APOBEC3D: variants seen among roughly 807,000 people sequenced by gnomAD.
APOBEC3D encodes DNA dC->dU-editing enzyme APOBEC-3D.
Under a neutral mutation model 45.6 loss-of-function variants are expected in APOBEC3D, and 37 were observed. The observed-to-expected ratio is 0.81, with a 90% confidence interval of 0.62 to 1.07. APOBEC3D has a LOEUF of 1.07. Ranked by LOEUF, APOBEC3D falls within the 50% of genes least tolerant of loss-of-function variation. The probability of loss-of-function intolerance (pLI) is 0.00; values close to 1 mark genes in which losing one functional copy is unlikely to be tolerated. For synonymous variants in APOBEC3D, 175 were observed against 180.7 expected, an observed-to-expected ratio of 0.97 and a Z score of 0.25; for missense variants, 496 against 495.3, an observed-to-expected ratio of 1.00 and a Z score of -0.01.
intron 1 of APOBEC3D, among the ~76,000 whole-genome samples, chr22:39,022,326 GGAAT>G (rs1925199528): frequency 6.6e-6 from 1 of 152,152 alleles, no homozygotes; most frequent in Non-Finnish European, 1.5e-5. Flanking sequence ...CTGTAAGATG[GGAAT>G]GGTCCCTGCA....
chr22:39,023,207 T>C (rs1925299545), intron 2 of APOBEC3D, among the ~76,000 whole-genome samples, 193 bp downstream of exon 2: 1 of 151,890 alleles, frequency 6.6e-6, no homozygotes. Flanking sequence ...CCTCCACCTC[T>C]TGGGTTCAAG....
intron 5 of APOBEC3D, 77 bp from the exon 6 acceptor site, chr22:39,031,617 T>C (rs1926220145): frequency 6.4e-7 from 1 of 1,572,240 alleles, no homozygotes; most frequent in Non-Finnish European, 8.7e-7. Flanking sequence ...CCTGCCCTCT[T>C]CTCCCATCGC....
chr22:39,029,197 C>T lies in APOBEC3D; in HGVS notation c.606-166C>T, dbSNP rs866465496. On this transcript the variant is annotated intron_variant, in intron 4 of 6. Transcript: ENST00000216099. Reference sequence around the variant, plus strand: ...TCCCTGCTGCCCCTGCCAGTACCCCCTCCTCTTTCTCTCTCCCAGTCTTCC... The same window carrying T: ...TCCCTGCTGCCCCTGCCAGTACCCCTTCCTCTTTCTCTCTCCCAGTCTTCC... Among the ~76,000 whole-genome samples, 3 of 152,134 alleles carry T rather than the reference C, an allele frequency of 2.0e-5. No homozygotes were observed. The South Asian group carries it at 6.2e-4, about 32-fold the overall frequency.
rs767749495 is a variant in APOBEC3D, at chr22:39,031,777, C to A, written c.846C>A (p.Tyr282Ter). 1.9e-6 allele frequency: 3 copies of A among 1,613,850 alleles called. No homozygotes were observed. Among genetic ancestry groups the A allele is most frequent in the African/African-American group, 2.7e-5 (2 of 74,894 alleles). ...ACATACTGTCTCCTAACACAAACTA[C>A]GAGGTCACCTGGTACACATCTTGGA... ...CDDILSPNTNYEVTWYTSWSP... is the reference protein window; with the variant it reads ...CDDILSPNTN Residue 282 changes from tyrosine to a stop codon, truncating the protein, a stop_gained, in exon 6 of 7, where the codon TAC becomes TAA. Coordinates refer to ENST00000216099, the MANE Select transcript of APOBEC3D (RefSeq NM_152426.4). LOFTEE classifies it high-confidence loss of function.
At chr22:39,030,445 G>A (rs539519604) in intron 5 of APOBEC3D, among the ~76,000 whole-genome samples, 1 of 152,334 alleles carries the variant, frequency 6.6e-6, no homozygotes, top group East Asian at 1.9e-4. Context: ...GTCCCCACAC[G>A]CTAAAAAGGC....
At chr22:39,024,778 G>T (rs867284533) in intron 2 of APOBEC3D, among the ~76,000 whole-genome samples, 1 of 152,138 alleles carries the variant, frequency 6.6e-6, no homozygotes, top group Non-Finnish European at 1.5e-5. Context: ...GACAGAAAGA[G>T]GGGCTGAGGT....
chr22:39,025,555 A>G lies in APOBEC3D; in HGVS notation c.491-2A>G. On this transcript the variant is annotated splice_acceptor_variant, in intron 3 of 6. Coordinates refer to ENST00000216099, the MANE Select transcript of APOBEC3D (RefSeq NM_152426.4). LOFTEE classifies it high-confidence loss of function. Reference sequence around the variant, plus strand: ...TGAGTGCTTCCCACCTCTTCATCTCAGACTTTGCATACTGCTGGGAAAACT... The same window carrying G: ...TGAGTGCTTCCCACCTCTTCATCTCGGACTTTGCATACTGCTGGGAAAACT... The G allele has an allele frequency of 6.2e-7, 1 of 1,614,110 alleles. No individual in the cohort carries two copies. Among genetic ancestry groups the G allele is most frequent in the Non-Finnish European group, 8.5e-7 (1 of 1,180,006 alleles).
At chr22:39,029,770 A>C (rs1320809346) in intron 5 of APOBEC3D, among the ~76,000 whole-genome samples, 8 of 150,212 alleles carry the variant, frequency 5.3e-5, no homozygotes, top group African/African-American at 1.7e-4. Flanking sequence ...GCTAATTTTT[A>C]TTTTATTTAT....
intron 4 of APOBEC3D, among the ~76,000 whole-genome samples, chr22:39,029,129 G>A (rs891680640): frequency 6.6e-6 from 1 of 152,146 alleles, no homozygotes; most frequent in Admixed American, 6.5e-5. Flanking sequence ...GTGTCCCATT[G>A]GTAGGCCCAG....
chr22:39,029,655 T>A, intron 5 of APOBEC3D, 136 bp downstream of exon 5: 3 of 1,087,638 alleles, frequency 2.8e-6, no homozygotes, highest in Non-Finnish European at 3.8e-6. Context: ...TTTTTTTTTT[T>A]AAGACAGAGT....
intron 2 of APOBEC3D, among the ~76,000 whole-genome samples, chr22:39,024,288 G>GC (rs1925414215): frequency 6.6e-6 from 1 of 152,198 alleles, no homozygotes; most frequent in African/African-American, 2.4e-5. Flanking sequence ...CTTGGCCAGT[G>GC]CCCCCCAATA....
intron 4 of APOBEC3D, 99 bp from the exon 5 acceptor site, chr22:39,029,264 T>A (rs1175498464): frequency 7.4e-7 from 1 of 1,356,438 alleles, no homozygotes; most frequent in East Asian, 2.3e-5. Flanking sequence ...TGTGGAGGGA[T>A]GGGAGAGGCC....
chr22:39,023,341 C>T (rs1925313082), intron 2 of APOBEC3D, among the ~76,000 whole-genome samples: 1 of 151,926 alleles, frequency 6.6e-6, no homozygotes, highest in Non-Finnish European at 1.5e-5. Context: ...GTCTGGAACT[C>T]CTGATCTCAG....
intron 5 of APOBEC3D, among the ~76,000 whole-genome samples, chr22:39,030,893 C>A (rs534569734): frequency 1.3e-5 from 2 of 152,168 alleles, no homozygotes; most frequent in Non-Finnish European, 2.9e-5. Context: ...CACGCCTGTA[C>A]GCAGTAGCTC....
Position 39,025,349 on chromosome 22 carries a change from G to C in APOBEC3D, c.490G>C (p.Asp164His). ...CCGTGTGAAGATCATGGACTATGAAGGTGAGAGGTGCAGGGGTCAGGGGAG... is the reference window on the plus strand; with the variant it reads ...CCGTGTGAAGATCATGGACTATGAACGTGAGAGGTGCAGGGGTCAGGGGAG... ...GARVKIMDYE[D>H]FAYCWENFVC... The change falls in exon 3 of 7, where the codon GAC (aspartate) becomes CAC (histidine). Residue 164 changes from aspartate to histidine, a missense_variant and splice_region_variant. Physicochemically the swap from Asp to His is moderately conservative, Grantham distance 81. Transcript: ENST00000216099. 6.2e-7 allele frequency: 1 copy of C among 1,613,996 alleles called. No individual in the cohort carries two copies. The highest frequency in any genetic ancestry group is 1.3e-5 in the African/African-American group (1 of 75,022).
chr22:39,029,028 A>T lies in APOBEC3D; in HGVS notation c.606-335A>T, dbSNP rs1601469564. On this transcript the variant is annotated intron_variant, in intron 4 of 6. Transcript: ENST00000216099. ...AGGAAGGAATTGAGCTGAAATGTTC[A>T]AGCAATTATTTCAGGGTGAAGAGTT... Among the ~76,000 whole-genome samples, 3 of 152,342 alleles carry T rather than the reference A, an allele frequency of 2.0e-5. No homozygotes were observed. In the South Asian group the frequency reaches 6.2e-4, roughly 32 times the overall value.
At position 39,031,961 on chromosome 22, in the gene APOBEC3D, A is replaced by G. The variant is rs1926261195; in HGVS notation, c.1030A>G (p.Met344Val). ...TCAGGAAGGGGCCTCCGTGAAGATC[A>G]TGGGCTACAAAGGTGAGACGTGGGG... ...LSQEGASVKI[M>V]GYKDFVSCWK... The change falls in exon 6 of 7, where the codon ATG becomes GTG. Residue 344 changes from methionine (M) to valine (V), a missense_variant. Coordinates refer to ENST00000216099, the MANE Select transcript of APOBEC3D (RefSeq NM_152426.4). The G allele has an allele frequency of 9.3e-6, 15 of 1,614,146 alleles. No homozygotes were observed. Among genetic ancestry groups the G allele is most frequent in the Non-Finnish European group, 1.2e-5 (14 of 1,180,022 alleles).
At chr22:39,022,247 T>A (rs1925189774) in intron 1 of APOBEC3D, among the ~76,000 whole-genome samples, 1 of 152,232 alleles carries the variant, frequency 6.6e-6, no homozygotes, top group Non-Finnish European at 1.5e-5. Context: ...AAGGGGCCCC[T>A]GCTCCAACTG....
Position 39,025,746 on chromosome 22 carries a change from G to A in APOBEC3D, c.605+75G>A, listed in dbSNP as rs189860500. The stretch of plus-strand genomic sequence containing the variant: ...CATCCTCCTGAGGACTCCCCTGGCT[G>A]GGCCCTCCTGCCCTCCGTCCTGCCC... On this transcript the variant is annotated intron_variant, in intron 4 of 6. Coordinates refer to ENST00000216099, the MANE Select transcript of APOBEC3D (RefSeq NM_152426.4). 9.2e-4 allele frequency: 1,470 copies of A among 1,603,074 alleles called. 19 individuals are homozygous for A. In the African/African-American group the frequency reaches 0.012, roughly 14 times the overall value.
Sources: allele counts gnomAD v4.1 joint callset (sites outside exome capture counted in the v4.1 genomes callset), GRCh38; gene constraint gnomAD v4.1.1; transcripts MANE v1.5; gene names NCBI Gene and HGNC (gene_info 2026-07-23, HGNC 2026-07-21).